Variants in MDGA2 observed in about 807,000 individuals in gnomAD.
MDGA2 encodes the protein MAM domain-containing glycosylphosphatidylinositol anchor protein 2.
Under a neutral mutation model 117.8 loss-of-function variants are expected in MDGA2, and 40 were observed. The observed-to-expected ratio is 0.34, with a 90% CI of 0.26 to 0.44. The LOEUF is 0.44. Among genes scored for constraint, MDGA2 ranks in the 20% least tolerant of loss-of-function variants. The pLI is 1.00. For synonymous variants in MDGA2, 452 were observed against 439.0 expected (o/e 1.03, Z -0.37); for missense variants, 1,123 against 1,250.6 (o/e 0.90, Z 1.54).
In MDGA2 at chr14:47,040,796, G is replaced by C. The variant is rs183079097; in HGVS notation, c.1526-5492C>G. On this transcript the variant is annotated intron_variant, in intron 7 of 16. Transcript: ENST00000399232. ...TTTTACCCATTTAACCTGTCCTTGT[G>C]ACTTTGTCCTGTATTTTCTTCTATG... Among the ~76,000 whole-genome samples the C allele has an allele frequency of 2.6e-5, 4 of 152,240 alleles. No homozygotes were observed. In the East Asian group the frequency reaches 7.7e-4, roughly 29 times the overall value.
chr14:47,289,587 T>C (rs1888810339), intron 2 of MDGA2, among the ~76,000 whole-genome samples: 1 of 152,070 alleles, frequency 6.6e-6, no homozygotes, highest in South Asian at 2.1e-4. Flanking sequence ...TCGATGTTCA[T>C]GTAACTGTTC....
Position 47,096,962 on chromosome 14 carries a change from T to C in MDGA2, c.1087A>G (p.Thr363Ala). 1 of 1,613,266 alleles carries C rather than the reference T, an allele frequency of 6.2e-7. No individual in the cohort carries two copies. Among genetic ancestry groups the C allele is most frequent in the Non-Finnish European group, 8.5e-7 (1 of 1,179,478 alleles). ...GAGGTGATGGCAGGTATGGTCAAAGTTCCTCCATTCAAAACAGTCTTTTCA... is the reference window on the plus strand; with the variant it reads ...GAGGTGATGGCAGGTATGGTCAAAGCTCCTCCATTCAAAACAGTCTTTTCA... The part of the protein sequence containing the change: ...LPEKTVLNGG[T>A]LTIPAITSDD... The change falls in exon 6 of 17, where the codon ACT becomes GCT. Residue 363 changes from threonine to alanine, a missense_variant. Thr to Ala is a moderately conservative substitution (Grantham distance 58). Around this residue, in one of 2 missense-constraint regions of MDGA2, gnomAD observed 890 missense variants for 1,050.3 expected, o/e 0.85. Coordinates refer to ENST00000399232, the MANE Select transcript of MDGA2 (RefSeq NM_001113498.3).
chr14:47,397,445 T>C (rs1036547120), intron 1 of MDGA2, among the ~76,000 whole-genome samples: 80 of 151,954 alleles, frequency 5.3e-4, no homozygotes, highest in Admixed American at 5.9e-4. Flanking sequence ...AACCTGAACG[T>C]TCTGCACGTG....
chr14:47,075,580 C>A (rs577812910), intron 6 of MDGA2, among the ~76,000 whole-genome samples: 1 of 152,102 alleles, frequency 6.6e-6, no homozygotes, highest in African/African-American at 2.4e-5. Context: ...ATTTTAATAA[C>A]TATACTGTGG....
At chr14:47,225,337 T>C (rs1256777305) in intron 2 of MDGA2, among the ~76,000 whole-genome samples, 4 of 151,838 alleles carry the variant, frequency 2.6e-5, no homozygotes, top group Admixed American at 6.6e-5. Context: ...CTATAAATCA[T>C]GCTGCTATAA....
At chr14:47,228,869 G>C (rs1038128681) in intron 2 of MDGA2, among the ~76,000 whole-genome samples, 1 of 152,116 alleles carries the variant, frequency 6.6e-6, no homozygotes, top group Non-Finnish European at 1.5e-5. Flanking sequence ...GTCTAGCAGG[G>C]AAGTTCATTA....
intron 1 of MDGA2, among the ~76,000 whole-genome samples, chr14:47,366,041 A>C (rs1479025083): frequency 1.3e-5 from 2 of 152,220 alleles, no homozygotes; most frequent in African/African-American, 4.8e-5. Flanking sequence ...AAGGAAAAAG[A>C]AAAGGCGGAA....
chr14:47,542,037 G>A (rs1895363175), intron 1 of MDGA2, among the ~76,000 whole-genome samples: 1 of 152,144 alleles, frequency 6.6e-6, no homozygotes, highest in African/African-American at 2.4e-5. Flanking sequence ...AGGGAAAGAA[G>A]AAGAAACTGA....
At chr14:47,006,934 CTT>C (rs879698226) in intron 8 of MDGA2, among the ~76,000 whole-genome samples, 1 of 151,632 alleles carries the variant, frequency 6.6e-6, no homozygotes, top group Non-Finnish European at 1.5e-5. Flanking sequence ...AGGCTGGAGA[CTT>C]AGATAAACTT....
At chr14:47,239,408 T>C (rs1886968472) in intron 2 of MDGA2, among the ~76,000 whole-genome samples, 1 of 151,806 alleles carries the variant, frequency 6.6e-6, no homozygotes, top group African/African-American at 2.4e-5. Flanking sequence ...TAAAATAATT[T>C]ATAAACTTTC....
intron 3 of MDGA2, among the ~76,000 whole-genome samples, chr14:47,182,098 G>A (rs1199255204): frequency 6.6e-6 from 1 of 152,084 alleles, no homozygotes; most frequent in East Asian, 1.9e-4. Context: ...TTCCAAGTAT[G>A]TGTGGGAGAA....
intron 4 of MDGA2, among the ~76,000 whole-genome samples, chr14:47,136,191 TTCTC>T (rs1393234639): frequency 6.7e-6 from 1 of 149,638 alleles, no homozygotes; most frequent in African/African-American, 2.5e-5. Flanking sequence ...AGAAAGTGTT[TTCTC>T]TCTTTTTTTT....
chr14:47,508,468 A>T (rs1484124590), intron 1 of MDGA2, among the ~76,000 whole-genome samples: 14 of 140,732 alleles, frequency 9.9e-5, no homozygotes, highest in Non-Finnish European at 1.5e-5. Context: ...AATAACACTT[A>T]CTCCCATTGT....
chr14:47,351,366 G>C (rs1283232528), intron 1 of MDGA2, among the ~76,000 whole-genome samples: 1 of 152,168 alleles, frequency 6.6e-6, no homozygotes, highest in Non-Finnish European at 1.5e-5. Context: ...ACAGGCATGA[G>C]CCACCGCACC....
intron 1 of MDGA2, among the ~76,000 whole-genome samples, chr14:47,397,350 G>A (rs1892035624): frequency 6.6e-6 from 1 of 152,018 alleles, no homozygotes; most frequent in Admixed American, 6.6e-5. Flanking sequence ...ACTAGGGGAG[G>A]GATAGCATTA....
intron 1 of MDGA2, among the ~76,000 whole-genome samples, chr14:47,312,552 T>G (rs1294638413): frequency 6.6e-6 from 1 of 152,080 alleles, no homozygotes; most frequent in Non-Finnish European, 1.5e-5. Context: ...TTTTGTTTTT[T>G]AAGGCAGTGG....
At chr14:47,319,267 T>C (rs1296270923) in intron 1 of MDGA2, among the ~76,000 whole-genome samples, 2 of 152,016 alleles carry the variant, frequency 1.3e-5, no homozygotes, top group African/African-American at 2.4e-5. Flanking sequence ...ATAACATCCT[T>C]GAGTTTGAAC....
rs142414786 is a variant in MDGA2 at position 47,131,050 on chromosome 14, A to T, written c.925+664T>A. ...ATATGTAAAAATTTATATTGATATG[A>T]AAAATTGGAGTTTCTCAAAACCAGT... is the stretch of plus-strand genomic sequence containing the variant. On this transcript the variant is annotated intron_variant, in intron 5 of 16. Coordinates refer to ENST00000399232, the MANE Select transcript of MDGA2 (RefSeq NM_001113498.3). Among the ~76,000 whole-genome samples, 20 of 152,060 alleles carry T rather than the reference A, an allele frequency of 1.3e-4. No homozygotes were observed. The East Asian group carries it at 3.7e-3, about 28-fold the overall frequency.
intron 1 of MDGA2, among the ~76,000 whole-genome samples, chr14:47,605,417 C>T (rs1011419426): frequency 2.6e-5 from 4 of 152,114 alleles, no homozygotes; most frequent in Non-Finnish European, 5.9e-5. Context: ...GTCCTAACTA[C>T]AAGAGAGATG....
Sources: allele counts gnomAD v4.1 joint callset (sites outside exome capture counted in the v4.1 genomes callset), GRCh38; gene constraint gnomAD v4.1.1; regional missense constraint gnomAD v4.1.1; transcripts MANE v1.5; gene names NCBI Gene and HGNC (gene_info 2026-07-23, HGNC 2026-07-21).